Variants in CEP89 observed in about 807,000 individuals in gnomAD.
The protein encoded by CEP89 is centrosomal protein of 89 kDa.
Under a neutral mutation model 97.6 loss-of-function variants are expected in CEP89, and 95 were observed. That is an observed-to-expected ratio of 0.97 (90% CI 0.82 to 1.15). The LOEUF (loss-of-function observed/expected upper bound fraction) is 1.15. Ranked by LOEUF, CEP89 falls within the 50% of genes most tolerant of loss-of-function variation. The pLI, the probability that CEP89 is intolerant of heterozygous loss-of-function variation, is 0.00. For missense variants in CEP89, 869 were observed against 947.7 expected (o/e 0.92, Z 1.09); for synonymous variants, 354 against 349.1 (o/e 1.01, Z -0.16).
chr19:32,916,087 G>A (rs8102673), intron 13 of CEP89, among the ~76,000 whole-genome samples: 1 of 151,890 alleles, frequency 6.6e-6, no homozygotes, highest in African/African-American at 2.4e-5. Flanking sequence ...GACCAGCCTG[G>A]GTAACATAGT....
intron 12 of CEP89, among the ~76,000 whole-genome samples, chr19:32,919,295 G>A (rs936411524): frequency 5.9e-5 from 9 of 152,198 alleles, no homozygotes; most frequent in Non-Finnish European, 8.8e-5. Flanking sequence ...CCTCAAGATC[G>A]CAAATTCTGA....
chr19:32,893,423 T>C (rs576245295), intron 16 of CEP89, among the ~76,000 whole-genome samples: 1 of 152,156 alleles, frequency 6.6e-6, no homozygotes, highest in Non-Finnish European at 1.5e-5. Context: ...TAGACTACAA[T>C]ACAATAATAG....
intron 6 of CEP89, among the ~76,000 whole-genome samples, chr19:32,938,786 T>C (rs1970627942): frequency 6.6e-6 from 1 of 151,902 alleles, no homozygotes; most frequent in Non-Finnish European, 1.5e-5. Context: ...CTCATCTCCA[T>C]TAAAAATACA....
intron 4 of CEP89, among the ~76,000 whole-genome samples, chr19:32,952,541 C>T (rs920211509): frequency 7.9e-5 from 12 of 151,268 alleles, no homozygotes; most frequent in East Asian, 3.9e-4. Context: ...TAATCAATAC[C>T]GGTGTAGCTT....
intron 14 of CEP89, among the ~76,000 whole-genome samples, chr19:32,912,976 G>A (rs896674519): frequency 6.6e-6 from 1 of 151,346 alleles, no homozygotes; most frequent in Non-Finnish European, 1.5e-5. Flanking sequence ...CCGGGGGGCG[G>A]AGCCTGCAGT....
At chr19:32,885,702 G>A (rs1228351953) in intron 17 of CEP89, among the ~76,000 whole-genome samples, 1 of 152,160 alleles carries the variant, frequency 6.6e-6, no homozygotes, top group Non-Finnish European at 1.5e-5. Context: ...GGTACATAAT[G>A]TGCCCTTTCA....
At chr19:32,965,056 C>A (rs915295338) in intron 2 of CEP89, among the ~76,000 whole-genome samples, 24 of 152,066 alleles carry the variant, frequency 1.6e-4, no homozygotes, top group Admixed American at 7.2e-4. Context: ...CAGACATGCA[C>A]CATCATGCTC....
chr19:32,952,350 G>T (rs535839243), intron 4 of CEP89, among the ~76,000 whole-genome samples: 33 of 149,086 alleles, frequency 2.2e-4, no homozygotes, highest in Non-Finnish European at 3.3e-4. Context: ...TTGTGGTGCC[G>T]CGTGCCTAAA....
At position 32,887,738 on chromosome 19, in the gene CEP89, A is replaced by C. The variant is rs748272440; in HGVS notation, c.1965+14T>G. On this transcript the variant is annotated intron_variant, in intron 17 of 18. Transcript: ENST00000305768. ...ATCTGAAAATGAAATCTCTGAGGCCAAATAACCACTTACCTTGACTTTTTC... is the reference window on the plus strand; with the variant it reads ...ATCTGAAAATGAAATCTCTGAGGCCCAATAACCACTTACCTTGACTTTTTC... The C allele has an allele frequency of 6.4e-7, 1 of 1,565,884 alleles. No individual in the cohort carries two copies. The highest frequency in any genetic ancestry group is 2.2e-5 in the East Asian group (1 of 44,638).
intron 17 of CEP89, among the ~76,000 whole-genome samples, chr19:32,887,447 G>A (rs1969423403): frequency 6.6e-6 from 1 of 151,912 alleles, no homozygotes; most frequent in African/African-American, 2.4e-5. Context: ...TCAAACTCTC[G>A]ACCTCAAGCG....
At chr19:32,942,853 T>C (rs1431888539) in intron 5 of CEP89, among the ~76,000 whole-genome samples, 1 of 151,036 alleles carries the variant, frequency 6.6e-6, no homozygotes, top group East Asian at 1.9e-4. Flanking sequence ...TCCAGTCTTT[T>C]TTTTTTTTTT....
chr19:32,923,614 T>C (rs1970297814), intron 11 of CEP89, 72 bp from the exon 12 acceptor site: 3 of 977,852 alleles, frequency 3.1e-6, no homozygotes. Context: ...CTGGTGCTGC[T>C]GCTGTGGCTA....
chr19:32,941,738 C>T (rs1970690684), intron 5 of CEP89, among the ~76,000 whole-genome samples: 2 of 152,060 alleles, frequency 1.3e-5, no homozygotes, highest in African/African-American at 4.8e-5. Context: ...ACCACCTTCC[C>T]TAACTGAGAG....
At chr19:32,956,919 T>C (rs1328085187) in intron 3 of CEP89, among the ~76,000 whole-genome samples, 1 of 152,194 alleles carries the variant, frequency 6.6e-6, no homozygotes, top group African/African-American at 2.4e-5. Flanking sequence ...CTATAGAGTA[T>C]AGTCCTTCAT....
intron 14 of CEP89, among the ~76,000 whole-genome samples, chr19:32,908,921 T>C (rs1969944609): frequency 6.6e-6 from 1 of 152,122 alleles, no homozygotes. Flanking sequence ...CGAGGTGTGG[T>C]GTGTATGTGT....
At position 32,878,395 on chromosome 19, in the gene CEP89, G is replaced by A. The variant is rs565500778; in HGVS notation, c.*767C>T. The A allele has an allele frequency of 6.6e-6, 1 of 152,496 alleles. No individual in the cohort carries two copies. Among genetic ancestry groups the A allele is most frequent in the East Asian group, 1.9e-4 (1 of 5,190 alleles). The allele number at this position is 152,496 out of a possible 1,614,324, so 9.4% of individuals were successfully genotyped here. The stretch of plus-strand genomic sequence containing the variant: ...CACCTTGTTTTTTTTGACCAAACAA[G>A]AAAAGGCCCCCAGAGCTCACGCACA... On this transcript the variant is annotated 3_prime_UTR_variant, in exon 19 of 19. Transcript: ENST00000305768.
chr19:32,959,047 A>C (rs1303490965), intron 3 of CEP89, among the ~76,000 whole-genome samples: 9 of 55,326 alleles, frequency 1.6e-4, no homozygotes, highest in African/African-American at 6.3e-4. Context: ...CAAACAAAAC[A>C]AAAAAAAAAA....
Position 32,877,808 on chromosome 19 carries a change from T to A in CEP89, c.*1354A>T, listed in dbSNP as rs1157891976. On this transcript the variant is annotated 3_prime_UTR_variant, in exon 19 of 19. Transcript: ENST00000305768. The stretch of plus-strand genomic sequence containing the variant: ...TTTTTGAGACAAAGTCTCGCTCTTG[T>A]TGCCCAGGCTGCCCAGGCTGGGGTA... 6.6e-6 allele frequency: 1 copy of A among 152,096 alleles called. No homozygotes were observed. Among genetic ancestry groups the A allele is most frequent in the Non-Finnish European group, 1.5e-5 (1 of 68,058 alleles). 9.4% of individuals were successfully genotyped at this position (152,096 alleles called of 1,614,324 possible).
At chr19:32,953,203 G>A (rs1028573543) in intron 4 of CEP89, among the ~76,000 whole-genome samples, 7 of 150,718 alleles carry the variant, frequency 4.6e-5, no homozygotes, top group African/African-American at 1.7e-4. Flanking sequence ...AGAAACGGGA[G>A]CGCTCACAGT....
Sources: gnomAD v4.1 joint callset for allele counts (sites outside exome capture counted in the v4.1 genomes callset) on GRCh38, gnomAD v4.1.1 for gene constraint, MANE v1.5 for transcripts, NCBI Gene and HGNC (gene_info 2026-07-23, HGNC 2026-07-21) for gene names.